The following SCHIP1 variants were observed in gnomAD, a reference collection of about 807,000 sequenced individuals.
The protein encoded by SCHIP1 is schwannomin interacting protein 1.
Under a neutral mutation model 29.7 loss-of-function variants are expected in SCHIP1, and 8 were observed. The ratio of observed to expected loss-of-function variants is 0.27; its 90% CI spans 0.16 to 0.49. The LOEUF (loss-of-function observed/expected upper bound fraction) is 0.49, where lower values mean the gene tolerates loss of function less well. Ranked by LOEUF, SCHIP1 falls within the 20% of genes least tolerant of loss-of-function variation. SCHIP1 has a pLI of 0.99. For missense variants in SCHIP1, 193 were observed against 294.6 expected (o/e 0.66, Z 2.52); for synonymous variants, 76 against 94.9 (o/e 0.80, Z 1.16).
chr3:159,420,232 T>C, the SCHIP1 span, among the ~76,000 whole-genome samples: 1 of 152,116 alleles, frequency 6.6e-6, no homozygotes, highest in African/African-American at 2.4e-5. Flanking sequence ...GAGAAATGGC[T>C]GGGAGGGTGA....
the SCHIP1 span, among the ~76,000 whole-genome samples, chr3:159,486,965 G>T: frequency 3.9e-5 from 6 of 152,202 alleles, no homozygotes; most frequent in Non-Finnish European, 8.8e-5. Flanking sequence ...ACAAGAGAAG[G>T]GGAGAGTAGA....
At chr3:159,678,302 C>G in the SCHIP1 span, among the ~76,000 whole-genome samples, 1 of 152,196 alleles carries the variant, frequency 6.6e-6, no homozygotes, top group Non-Finnish European at 1.5e-5. Context: ...GAAAGAAAAG[C>G]AGTCTTCAGA....
At chr3:159,526,978 T>C in the SCHIP1 span, among the ~76,000 whole-genome samples, 9 of 152,334 alleles carry the variant, frequency 5.9e-5, no homozygotes, top group African/African-American at 2.2e-4. Flanking sequence ...ACTATCTTAA[T>C]CATCTCATGT....
the SCHIP1 span, among the ~76,000 whole-genome samples, chr3:159,514,896 T>G: frequency 2.6e-5 from 4 of 152,170 alleles, no homozygotes; most frequent in Non-Finnish European, 1.5e-5. Flanking sequence ...TTAGTGATCT[T>G]CACCCTAGTA....
At chr3:159,376,191 C>T in the SCHIP1 span, among the ~76,000 whole-genome samples, 5 of 152,288 alleles carry the variant, frequency 3.3e-5, no homozygotes, top group African/African-American at 4.8e-5. Context: ...AGGCTACTTA[C>T]TTCAGCTTGT....
the SCHIP1 span, among the ~76,000 whole-genome samples, chr3:159,387,924 C>T: frequency 1.3e-5 from 2 of 152,052 alleles, no homozygotes; most frequent in African/African-American, 4.8e-5. Flanking sequence ...ATTCAGTTAT[C>T]TCAATAGTTG....
the SCHIP1 span, among the ~76,000 whole-genome samples, chr3:159,834,142 T>C: frequency 3.2e-4 from 49 of 152,344 alleles, 1 homozygote; most frequent in Middle Eastern, 3.4e-3. Flanking sequence ...GAGGGTCATA[T>C]GCATTTATTC....
chr3:159,597,351 C>A, the SCHIP1 span, among the ~76,000 whole-genome samples: 1 of 152,018 alleles, frequency 6.6e-6, no homozygotes, highest in Admixed American at 6.6e-5. Flanking sequence ...AGTATAGTCA[C>A]CCTACTCTGC....
intron 2 of SCHIP1, among the ~76,000 whole-genome samples, chr3:159,882,395 T>C (rs1444805827): frequency 1.3e-5 from 2 of 152,142 alleles, no homozygotes; most frequent in Non-Finnish European, 2.9e-5. Context: ...ATACTAGTGG[T>C]CTAAGCAGGT....
chr3:159,678,279 A>G, the SCHIP1 span, among the ~76,000 whole-genome samples: 1 of 152,218 alleles, frequency 6.6e-6, no homozygotes, highest in African/African-American at 2.4e-5. Flanking sequence ...ATTGAAGATT[A>G]TTTCATCCAA....
the SCHIP1 span, among the ~76,000 whole-genome samples, chr3:159,717,420 A>G: frequency 2.6e-5 from 4 of 152,330 alleles, no homozygotes; most frequent in South Asian, 8.3e-4. Flanking sequence ...AAACCCTTCA[A>G]AAAAATCAAT....
chr3:159,379,365 G>T, the SCHIP1 span, among the ~76,000 whole-genome samples: 3 of 152,018 alleles, frequency 2.0e-5, no homozygotes, highest in African/African-American at 7.2e-5. Context: ...GGGATTACAG[G>T]CACCCGCCAC....
chr3:159,807,300 G>T, the SCHIP1 span, among the ~76,000 whole-genome samples: 2 of 152,104 alleles, frequency 1.3e-5, no homozygotes, highest in Non-Finnish European at 2.9e-5. Context: ...GATGGAAGAG[G>T]CTCCACGCTG....
chr3:159,637,501 G>T, the SCHIP1 span, among the ~76,000 whole-genome samples: 1 of 151,868 alleles, frequency 6.6e-6, no homozygotes, highest in African/African-American at 2.4e-5. Flanking sequence ...AGCTTGCTAA[G>T]AAAGTTTGTA....
At chr3:159,818,441 A>C in the SCHIP1 span, among the ~76,000 whole-genome samples, 1 of 152,126 alleles carries the variant, frequency 6.6e-6, no homozygotes. Context: ...CCCTCTGAGG[A>C]TTTACTAATC....
chr3:159,286,377 A>G, the SCHIP1 span, among the ~76,000 whole-genome samples: 1 of 152,312 alleles, frequency 6.6e-6, no homozygotes, highest in African/African-American at 2.4e-5. Flanking sequence ...CTCTAGCTGC[A>G]TCCAGGTTGC....
the SCHIP1 span, among the ~76,000 whole-genome samples, chr3:159,503,815 G>T: frequency 6.6e-6 from 1 of 152,144 alleles, no homozygotes; most frequent in Non-Finnish European, 1.5e-5. Context: ...GTCACATAAA[G>T]GTAATTAACC....
the SCHIP1 span, among the ~76,000 whole-genome samples, chr3:159,566,106 T>A: frequency 2.0e-5 from 3 of 152,306 alleles, no homozygotes; most frequent in African/African-American, 7.2e-5. Context: ...AACATTTTTT[T>A]AACTAAAACA....
chr3:159,379,746 A>G, the SCHIP1 span, among the ~76,000 whole-genome samples: 1 of 151,900 alleles, frequency 6.6e-6, no homozygotes, highest in Non-Finnish European at 1.5e-5. Context: ...CCACATGACA[A>G]AAAGAAAAGC....
Sources: allele counts gnomAD v4.1 joint callset (sites outside exome capture counted in the v4.1 genomes callset), GRCh38; gene constraint gnomAD v4.1.1; transcripts MANE v1.5; gene names NCBI Gene and HGNC (gene_info 2026-07-23, HGNC 2026-07-21).